The following ATAD5 variants were observed in gnomAD, a reference collection of about 807,000 sequenced individuals.
ATAD5 encodes ATPase family AAA domain containing 5.
Under a neutral mutation model 176.9 loss-of-function variants are expected in ATAD5, and 58 were observed. The ratio of observed to expected loss-of-function variants is 0.33; its 90% CI spans 0.27 to 0.41. The LOEUF is 0.41. Among genes scored for constraint, ATAD5 ranks in the 10% least tolerant of loss-of-function variants. The pLI, the probability that ATAD5 is intolerant of heterozygous loss-of-function variation, is 1.00. For synonymous variants in ATAD5, 640 were observed against 712.6 expected (o/e 0.90, Z 1.62); for missense variants, 1,789 against 2,094.1 (o/e 0.85, Z 2.84).
chr17:30,841,257 G>A (rs536221141), intron 4 of ATAD5, among the ~76,000 whole-genome samples: 9 of 152,270 alleles, frequency 5.9e-5, no homozygotes, highest in East Asian at 1.9e-4. Context: ...TGATCCACCT[G>A]CCTTGGCCTA....
chr17:30,885,569 G>A (rs1909264120), intron 18 of ATAD5, among the ~76,000 whole-genome samples: 1 of 149,894 alleles, frequency 6.7e-6, no homozygotes, highest in Non-Finnish European at 1.5e-5. Flanking sequence ...TTAGCTATAG[G>A]CTTTTCATAC....
At chr17:30,836,470 G>A (rs1184696168) in intron 2 of ATAD5, among the ~76,000 whole-genome samples, 2 of 151,534 alleles carry the variant, frequency 1.3e-5, no homozygotes, top group Admixed American at 6.6e-5. Context: ...GAGCCACTGC[G>A]CCCGGCCTGG....
At chr17:30,877,741 G>A (rs1056166227) in intron 16 of ATAD5, among the ~76,000 whole-genome samples, 192 bp downstream of exon 16, 11 of 152,010 alleles carry the variant, frequency 7.2e-5, no homozygotes, top group East Asian at 1.9e-4. Context: ...TGTAATTCAC[G>A]GCTGCTAATT....
In ATAD5 at chr17:30,895,833, A is replaced by C. The variant is rs1194547221; in HGVS notation, c.*920A>C. 2 of 152,346 alleles carry C rather than the reference A, an allele frequency of 1.3e-5. No individual in the cohort carries two copies. The highest frequency in any genetic ancestry group is 2.9e-5 in the Non-Finnish European group (2 of 68,032). 9.4% of individuals were successfully genotyped at this position (152,346 alleles called of 1,614,324 possible). A position where few individuals can be genotyped will look rare whatever the true frequency, so the allele number is the denominator to read the frequency against. ...TTAATTAGTATATTGATCTAATTAA[A>C]GGTTAAAGCTAAAGGCTTTATGAAA... On this transcript the variant is annotated 3_prime_UTR_variant, in exon 23 of 23. Coordinates refer to ENST00000321990, the MANE Select transcript of ATAD5 (RefSeq NM_024857.5).
intron 18 of ATAD5, among the ~76,000 whole-genome samples, chr17:30,886,068 A>G (rs868188569): frequency 1.3e-5 from 2 of 152,022 alleles, no homozygotes; most frequent in African/African-American, 4.8e-5. Flanking sequence ...CCCCTTGGTC[A>G]TGATGTATTA....
chr17:30,847,240 C>T (rs1011463060), intron 6 of ATAD5, among the ~76,000 whole-genome samples: 2 of 152,028 alleles, frequency 1.3e-5, no homozygotes, highest in African/African-American at 4.8e-5. Context: ...ACTTTTGTCT[C>T]TAGTTTCTTT....
At chr17:30,854,369 A>ATTTTTTTT (rs11445925) in intron 6 of ATAD5, among the ~76,000 whole-genome samples, 2 of 121,008 alleles carry the variant, frequency 1.7e-5, no homozygotes, top group Non-Finnish European at 1.6e-5. Context: ...ATTAATTTAA[A>ATTTTTTTT]TTTTTTTTTT....
intron 14 of ATAD5, among the ~76,000 whole-genome samples, chr17:30,873,263 A>G (rs941999748): frequency 2.7e-5 from 4 of 150,534 alleles, no homozygotes; most frequent in African/African-American, 9.8e-5. Context: ...GATGTCCCAG[A>G]CCTACAGTTA....
chr17:30,844,691 T>C, intron 5 of ATAD5, 144 bp from the exon 6 acceptor site: 2 of 589,228 alleles, frequency 3.4e-6, no homozygotes, highest in South Asian at 2.1e-5. Context: ...GAGGTTGCAG[T>C]GAGCCAAGAT....
intron 12 of ATAD5, among the ~76,000 whole-genome samples, 189 bp downstream of exon 12, chr17:30,868,601 G>A (rs1285891646): frequency 2.0e-5 from 3 of 148,898 alleles, no homozygotes; most frequent in Non-Finnish European, 4.4e-5. Context: ...TCCGCCTCCC[G>A]GGTCAAGTGA....
intron 7 of ATAD5, among the ~76,000 whole-genome samples, chr17:30,855,757 G>A (rs932922950): frequency 1.3e-5 from 2 of 151,876 alleles, no homozygotes; most frequent in African/African-American, 4.8e-5. Flanking sequence ...TACTCGGGAG[G>A]CTGAGGTGGG....
intron 6 of ATAD5, among the ~76,000 whole-genome samples, chr17:30,850,795 ATTATT>A (rs1013408881): frequency 1.5e-5 from 2 of 135,732 alleles, no homozygotes; most frequent in African/African-American, 2.7e-5. Flanking sequence ...TTAAAAAATC[ATTATT>A]TTAAAGAAAT....
In ATAD5 at chr17:30,835,108, T is replaced by G; in HGVS notation, c.1027T>G (p.Phe343Val). The G allele has an allele frequency of 6.2e-7, 1 of 1,614,150 alleles. No homozygotes were observed. The highest frequency in any genetic ancestry group is 1.1e-5 in the South Asian group (1 of 91,080). ...PKKTGKIPRI[F>V]LKQKQFEMEN... Reference sequence around the variant, plus strand: ...AAAGACAGGGAAAATACCCCGAATTTTCTTGAAACAAAAGCAATTTGAAAT... The same window carrying G: ...AAAGACAGGGAAAATACCCCGAATTGTCTTGAAACAAAAGCAATTTGAAAT... The change falls in exon 2 of 23, where the codon TTC becomes GTC. Residue 343 changes from phenylalanine (F) to valine (V), a missense_variant. Physicochemically the swap from Phe to Val is conservative, Grantham distance 50 (BLOSUM62 -1). This residue lies in a region of ATAD5 where 696 missense variants were observed against 712.5 expected (regional missense o/e 0.98). Transcript: ENST00000321990.
chr17:30,885,676 C>A (rs898439742), intron 18 of ATAD5, among the ~76,000 whole-genome samples: 1 of 142,922 alleles, frequency 7.0e-6, no homozygotes, highest in Admixed American at 7.3e-5. Context: ...TCTTGTCGCC[C>A]AGGCTGGAGT....
At chr17:30,866,869 CTAGACCCCATTAGGGG>C (rs372801080) in intron 11 of ATAD5, among the ~76,000 whole-genome samples, 30 of 152,188 alleles carry the variant, frequency 2.0e-4, no homozygotes, top group African/African-American at 6.3e-4. Context: ...GGTGTACTGC[CTAGACCCCATTAGGGG>C]TATTATGTAA....
intron 14 of ATAD5, among the ~76,000 whole-genome samples, chr17:30,875,795 C>CA (rs55820733): frequency 0.15 from 18,287 of 124,384 alleles, 1,294 homozygotes; most frequent in South Asian, 0.26. Context: ...GACCCTGACT[C>CA]AAAAAAAAAA....
rs1447277356 is a variant in ATAD5, at chr17:30,835,809, G to A, written c.1728G>A (p.Gln576=). 1 of 1,613,506 alleles carries A rather than the reference G, an allele frequency of 6.2e-7. No homozygotes were observed. The highest frequency in any genetic ancestry group is 2.2e-5 in the East Asian group (1 of 44,864). The change falls in exon 2 of 23, where the codon CAG becomes CAA. Residue 576 remains glutamine, a synonymous_variant. Coordinates refer to ENST00000321990, the MANE Select transcript of ATAD5 (RefSeq NM_024857.5). The part of the protein sequence containing the change: ...SIPVKDIKLT[Q]SKAESEASLL... ...CAGTTAAAGATATTAAGCTTACACA[G>A]TCTAAAGCTGAATCTGAAGCCAGCT...
At position 30,856,955 on chromosome 17, in the gene ATAD5, G is replaced by A. The variant is rs973659668; in HGVS notation, c.2636G>A (p.Gly879Glu). 6.4e-7 allele frequency: 1 copy of A among 1,571,884 alleles called. No individual in the cohort carries two copies. Among genetic ancestry groups the A allele is most frequent in the Non-Finnish European group, 8.6e-7 (1 of 1,166,870 alleles). Residue 879 changes from glycine to glutamate, a missense_variant and splice_region_variant, in exon 8 of 23, where the codon GGG (glycine) becomes GAG (glutamate). Transcript: ENST00000321990. ...RVVHVQQKDDGCCLWHLKPPS... is the reference protein window; with the variant it reads ...RVVHVQQKDDECCLWHLKPPS... ...AAGATATTTGTCTATTTTTCTTTAGGGTGTTGTTTGTGGCATTTGAAACCA... is the reference window on the plus strand; with the variant it reads ...AAGATATTTGTCTATTTTTCTTTAGAGTGTTGTTTGTGGCATTTGAAACCA...
chr17:30,861,838 G>T (rs572783835), intron 10 of ATAD5: 2 of 151,698 alleles, frequency 1.3e-5, no homozygotes, highest in African/African-American at 4.8e-5. Flanking sequence ...AAAAAATCTG[G>T]TATTGTGCTC....
Sources: gnomAD v4.1 joint callset for allele counts (sites outside exome capture counted in the v4.1 genomes callset) on GRCh38, gnomAD v4.1.1 for gene constraint, gnomAD v4.1.1 regional missense constraint, MANE v1.5 for transcripts, NCBI Gene and HGNC (gene_info 2026-07-23, HGNC 2026-07-21) for gene names.